Variants in HNRNPR observed in about 807,000 individuals in gnomAD.
HNRNPR encodes the protein heterogeneous nuclear ribonucleoprotein R.
In HNRNPR, 4 loss-of-function variants were observed where a neutral mutation model predicts 70.3. The observed-to-expected ratio is 0.06, with a 90% CI of 0.03 to 0.13. The LOEUF is 0.13. Ranked by LOEUF, HNRNPR falls within the 10% of genes least tolerant of loss-of-function variation. The pLI is 1.00. For synonymous variants in HNRNPR, 241 were observed against 267.6 expected, an observed-to-expected ratio of 0.90 and a Z score of 0.97; for missense variants, 423 against 788.5, an observed-to-expected ratio of 0.54 and a Z score of 5.55.
intron 6 of HNRNPR, among the ~76,000 whole-genome samples, chr1:23,322,979 G>A (rs1645817525): frequency 6.6e-6 from 1 of 152,180 alleles, no homozygotes; most frequent in South Asian, 2.1e-4. Context: ...AAATTAATAT[G>A]AGACTGGCTA....
chr1:23,322,739 G>A (rs961734914), intron 6 of HNRNPR, among the ~76,000 whole-genome samples: 9 of 152,148 alleles, frequency 5.9e-5, no homozygotes, highest in African/African-American at 2.2e-4. Flanking sequence ...TGAAACCAAA[G>A]CCTTGATGAA....
At chr1:23,313,954 A>T (rs2849023) in intron 8 of HNRNPR, among the ~76,000 whole-genome samples, 7,260 of 152,188 alleles carry the variant, frequency 0.048, 546 homozygotes, top group African/African-American at 0.16. Flanking sequence ...TCAAGGAACC[A>T]ACACATAATT....
intron 5 of HNRNPR, among the ~76,000 whole-genome samples, chr1:23,327,840 A>C (rs1646051604): frequency 6.6e-6 from 1 of 151,866 alleles, no homozygotes; most frequent in Non-Finnish European, 1.5e-5. Context: ...ATTTGAGCTG[A>C]GATCTAAGAG....
intron 5 of HNRNPR, among the ~76,000 whole-genome samples, chr1:23,324,737 G>A (rs961064055): frequency 3.3e-5 from 5 of 151,848 alleles, no homozygotes; most frequent in Admixed American, 1.3e-4. Flanking sequence ...AATTATATAC[G>A]ATTAAATTAT....
intron 4 of HNRNPR, among the ~76,000 whole-genome samples, chr1:23,336,342 G>C (rs945483589): frequency 6.6e-6 from 1 of 150,976 alleles, no homozygotes; most frequent in African/African-American, 2.4e-5. Context: ...GAGGCGGGCG[G>C]ATCATGAGGT....
intron 9 of HNRNPR, among the ~76,000 whole-genome samples, chr1:23,313,138 T>C (rs555349897): frequency 6.6e-6 from 1 of 152,296 alleles, no homozygotes; most frequent in Admixed American, 6.5e-5. Flanking sequence ...CCTCAAAATC[T>C]ATCTACTCAA....
chr1:23,331,458 G>T (rs371894358), intron 5 of HNRNPR, among the ~76,000 whole-genome samples: 16 of 150,140 alleles, frequency 1.1e-4, no homozygotes, highest in African/African-American at 3.7e-4. Flanking sequence ...GAGGCAGGCA[G>T]ATCACCTGAT....
rs1344106155 is a variant in HNRNPR, at chr1:23,307,840, T to G, written c.*2614A>C. ...ATAAATAAAGCCAAATCAATTAGCTTGGGGAACAAAAAAGATGGAAAGACA... is the reference window on the plus strand; with the variant it reads ...ATAAATAAAGCCAAATCAATTAGCTGGGGGAACAAAAAAGATGGAAAGACA... On this transcript the variant is annotated 3_prime_UTR_variant, in exon 11 of 11. Coordinates refer to ENST00000302271, the MANE Select transcript of HNRNPR (RefSeq NM_005826.5). 1 of 151,704 alleles carries G rather than the reference T, an allele frequency of 6.6e-6. No homozygotes were observed. Among genetic ancestry groups the G allele is most frequent in the Non-Finnish European group, 1.5e-5 (1 of 67,840 alleles). 9.4% of individuals were successfully genotyped at this position (151,704 alleles called of 1,614,324 possible).
rs573992663 is a variant in HNRNPR, at chr1:23,328,123, A to C, written c.499-4391T>G. Among the ~76,000 whole-genome samples, 5 of 152,350 alleles carry C rather than the reference A, an allele frequency of 3.3e-5. No homozygotes were observed. In the South Asian group the frequency reaches 1.0e-3, roughly 32 times the overall value. ...ACTCAACATATCTGAAGAACAGCAC[A>C]CAGGCCAATGGCTAGAATGAAAGTG... On this transcript the variant is annotated intron_variant, in intron 5 of 10. Coordinates refer to ENST00000302271, the MANE Select transcript of HNRNPR (RefSeq NM_005826.5).
At chr1:23,321,507 C>A in intron 7 of HNRNPR, 21 bp downstream of exon 7, 1 of 1,606,300 alleles carries the variant, frequency 6.2e-7, no homozygotes, top group South Asian at 1.1e-5. Flanking sequence ...AAAGTAATTT[C>A]TAAATACATT....
Position 23,310,326 on chromosome 1 carries a change from T to G in HNRNPR, c.*128A>C. 1.2e-6 allele frequency: 1 copy of G among 840,136 alleles called. No homozygotes were observed. Among genetic ancestry groups the G allele is most frequent in the African/African-American group, 1.7e-5 (1 of 59,014 alleles). 52.0% of individuals were successfully genotyped at this position (840,136 alleles called of 1,614,324 possible). A position where few individuals can be genotyped will look rare whatever the true frequency, so the allele number is the denominator to read the frequency against. The stretch of plus-strand genomic sequence containing the variant: ...GAGTATATACACAATAGTGATTTCT[T>G]CAGCCCAATACAAATGGCAGCAAAA... On this transcript the variant is annotated 3_prime_UTR_variant, in exon 11 of 11. Transcript: ENST00000302271. This position sits in a 1 kb window ranked among gnomAD's most constrained non-coding sequence, Gnocchi z 6.0.
chr1:23,342,739 C>T (rs750376868), intron 1 of HNRNPR, among the ~76,000 whole-genome samples: 1 of 152,080 alleles, frequency 6.6e-6, no homozygotes, highest in African/African-American at 2.4e-5. Flanking sequence ...CAGCATTGTA[C>T]CTAGGAATAC....
At chr1:23,315,660 A>G (rs550844195) in intron 8 of HNRNPR, among the ~76,000 whole-genome samples, 1 of 152,338 alleles carries the variant, frequency 6.6e-6, no homozygotes, top group East Asian at 1.9e-4. Context: ...GGTAGAAAGG[A>G]AATTTCTTTG....
intron 5 of HNRNPR, among the ~76,000 whole-genome samples, chr1:23,328,585 C>T: frequency 6.6e-6 from 1 of 152,162 alleles, no homozygotes; most frequent in East Asian, 1.9e-4. Flanking sequence ...CTGCAACCTC[C>T]ACCTCCCAGA....
chr1:23,334,390 C>T (rs1646378607), intron 4 of HNRNPR, among the ~76,000 whole-genome samples: 2 of 152,098 alleles, frequency 1.3e-5, no homozygotes, highest in Non-Finnish European at 1.5e-5. Context: ...GCACCCGCCA[C>T]AACGCCCGGC....
At position 23,305,470 on chromosome 1, in the gene HNRNPR, G is replaced by C. The variant is rs567779189; in HGVS notation, c.*4984C>G. The C allele has an allele frequency of 1.3e-5, 2 of 152,250 alleles. No homozygotes were observed. The highest frequency in any genetic ancestry group is 4.1e-4 in the South Asian group (2 of 4,826). The allele number at this position is 152,250 out of a possible 1,614,324, so 9.4% of individuals were successfully genotyped here. On this transcript the variant is annotated 3_prime_UTR_variant, in exon 11 of 11. Coordinates refer to ENST00000302271, the MANE Select transcript of HNRNPR (RefSeq NM_005826.5). ...TTTAACATCTAGGAAAGTCTTTCTA[G>C]ACTGATATTCTCAACCAATAAAGAA...
chr1:23,327,638 G>A (rs1232578636), intron 5 of HNRNPR, among the ~76,000 whole-genome samples: 7 of 151,914 alleles, frequency 4.6e-5, no homozygotes, highest in Non-Finnish European at 7.4e-5. Context: ...TGCAGTGAGC[G>A]GAGATCACGC....
At chr1:23,330,974 T>G (rs1215536368) in intron 5 of HNRNPR, among the ~76,000 whole-genome samples, 1 of 152,206 alleles carries the variant, frequency 6.6e-6, no homozygotes, top group East Asian at 1.9e-4. Flanking sequence ...AAACCTACTT[T>G]TCCTGAGTTT....
At chr1:23,311,367 ATT>A (rs1323892774) in intron 9 of HNRNPR, 45 bp from the exon 10 acceptor site, 5 of 1,279,840 alleles carry the variant, frequency 3.9e-6, no homozygotes, top group Non-Finnish European at 5.5e-6. Flanking sequence ...ATAAAACTGT[ATT>A]TTGTTTTATA....
Sources: allele counts gnomAD v4.1 joint callset (sites outside exome capture counted in the v4.1 genomes callset), GRCh38; gene constraint gnomAD v4.1.1; non-coding constraint Gnocchi (gnomAD v3.1); transcripts MANE v1.5; gene names NCBI Gene and HGNC (gene_info 2026-07-23, HGNC 2026-07-21).